BBS2: variants seen among roughly 807,000 people sequenced by gnomAD.
The protein encoded by BBS2 is BBSome complex member BBS2.
A neutral mutation model predicts 83.0 loss-of-function variants in BBS2; 62 were observed. That is an observed-to-expected ratio of 0.75 (90% CI 0.61 to 0.92). The LOEUF (loss-of-function observed/expected upper bound fraction) is 0.92, where lower values mean the gene tolerates loss of function less well. Among genes scored for constraint, BBS2 ranks in the 40% least tolerant of loss-of-function variants. BBS2 has a pLI of 0.00. For missense variants in BBS2, 784 were observed against 901.0 expected (o/e 0.87, Z 1.66); for synonymous variants, 303 against 326.1 (o/e 0.93, Z 0.76).
intron 17 of BBS2, chr16:56,478,716 G>C (rs1373422651): frequency 6.6e-6 from 1 of 152,156 alleles, no homozygotes; most frequent in Non-Finnish European, 1.5e-5. Flanking sequence ...GTGTTAAAAT[G>C]TGCTTTTTAG....
rs747086491 is a variant in BBS2 at position 56,501,369 on chromosome 16, G to A, written c.1209C>T (p.Arg403=). 3.7e-5 allele frequency: 59 copies of A among 1,614,044 alleles called. No homozygotes were observed. The Middle Eastern group carries it at 4.9e-4, about 14-fold the overall frequency. The change falls in exon 10 of 17, where the codon CGC becomes CGT. Residue 403 remains arginine, a synonymous_variant. Coordinates refer to ENST00000245157, the MANE Select transcript of BBS2 (RefSeq NM_031885.5). Reference sequence around the variant, plus strand: ...CTGTCTTACCATTAGAAGTGGAAATGCGTAATTCTGTATGAGCAGTTTGGG... The same window carrying A: ...CTGTCTTACCATTAGAAGTGGAAATACGTAATTCTGTATGAGCAGTTTGGG... The part of the protein sequence containing the change: ...NETQTAHTEL[R]ISTSNDTIIR...
chr16:56,519,964 G>C lies in BBS2; in HGVS notation c.-102C>G, dbSNP rs1364703031. On this transcript the variant is annotated 5_prime_UTR_variant, in exon 1 of 17. Coordinates refer to ENST00000245157, the MANE Select transcript of BBS2 (RefSeq NM_031885.5). The stretch of plus-strand genomic sequence containing the variant: ...GAAGTGCAGGGACACTACCTGCGCG[G>C]CCCCAGCCGCCTCAGGCCGGACGCG... 1 of 1,004,928 alleles carries C rather than the reference G, an allele frequency of 1.0e-6. No homozygotes were observed. Among genetic ancestry groups the C allele is most frequent in the African/African-American group, 1.6e-5 (1 of 62,514 alleles). 62.3% of individuals were successfully genotyped at this position (1,004,928 alleles called of 1,614,324 possible). A position where few individuals can be genotyped will look rare whatever the true frequency, so the allele number is the denominator to read the frequency against.
At chr16:56,474,549 A>T (rs1963365347) in intron 17 of BBS2, among the ~76,000 whole-genome samples, 2 of 151,856 alleles carry the variant, frequency 1.3e-5, no homozygotes, top group African/African-American at 4.8e-5. Context: ...TGAACTCCCG[A>T]CCTCAGGTGA....
In BBS2 at chr16:56,498,584, A is replaced by G. The variant is rs1430495735; in HGVS notation, c.1528-16T>C. On this transcript the variant is annotated splice_polypyrimidine_tract_variant and intron_variant, in intron 12 of 16. Coordinates refer to ENST00000245157, the MANE Select transcript of BBS2 (RefSeq NM_031885.5). The stretch of plus-strand genomic sequence containing the variant: ...ATACAACAACCTTGAAAATGAACAC[A>G]ATGAAATGACCTCCATTTTTAAGGT... 1 of 1,613,900 alleles carries G rather than the reference A, an allele frequency of 6.2e-7. No homozygotes were observed. Among genetic ancestry groups the G allele is most frequent in the Non-Finnish European group, 8.5e-7 (1 of 1,179,958 alleles).
At chr16:56,477,852 T>C (rs1199705022) in intron 17 of BBS2, 2 of 152,246 alleles carry the variant, frequency 1.3e-5, no homozygotes, top group East Asian at 3.8e-4. Flanking sequence ...CCTAAAACTT[T>C]TGAGTATTCA....
chr16:56,507,148 T>C (rs1361070652), intron 5 of BBS2, among the ~76,000 whole-genome samples: 2 of 152,202 alleles, frequency 1.3e-5, no homozygotes, highest in South Asian at 2.1e-4. Context: ...AACTGCCAAA[T>C]GAATCATGAT....
chr16:56,475,166 A>C (rs771923840), intron 17 of BBS2, among the ~76,000 whole-genome samples: 1 of 152,222 alleles, frequency 6.6e-6, no homozygotes, highest in Non-Finnish European at 1.5e-5. Context: ...GGGGAGATGG[A>C]CCACACCATA....
chr16:56,503,507 C>G (rs1454068814), intron 7 of BBS2, among the ~76,000 whole-genome samples: 1 of 152,172 alleles, frequency 6.6e-6, no homozygotes, highest in African/African-American at 2.4e-5. Context: ...TATTCAGATA[C>G]TTTAGAGAGC....
At chr16:56,501,140 C>G in intron 10 of BBS2, 115 bp from the exon 11 acceptor site, 6 of 1,374,208 alleles carry the variant, frequency 4.4e-6, no homozygotes, top group Non-Finnish European at 6.2e-6. Context: ...GAAACCCTAT[C>G]TCTACTAAAA....
intron 17 of BBS2, chr16:56,475,899 C>A: frequency 1.4e-6 from 1 of 709,302 alleles, no homozygotes; most frequent in South Asian, 1.9e-5. Context: ...GGCTTGACAG[C>A]CACCCCTAGT....
chr16:56,498,324 G>A (rs1339337581), intron 13 of BBS2, 113 bp downstream of exon 13: 12 of 1,381,984 alleles, frequency 8.7e-6, no homozygotes, highest in African/African-American at 7.2e-5. Context: ...CCTCACTTTG[G>A]ACTGAATGGT....
In BBS2 at chr16:56,511,320, G is replaced by A. The variant is rs112801032; in HGVS notation, c.346-36C>T. On this transcript the variant is annotated intron_variant, in intron 2 of 16. Transcript: ENST00000245157. Reference sequence around the variant, plus strand: ...TAAAAGGACACATTATCTTAGACACGATAATATGCAGGCCCACATATTAAT... The same window carrying A: ...TAAAAGGACACATTATCTTAGACACAATAATATGCAGGCCCACATATTAAT... 212 of 1,611,808 alleles carry A rather than the reference G, an allele frequency of 1.3e-4. 2 individuals carry two copies. The African/African-American group carries it at 2.2e-3, about 17-fold the overall frequency.
intron 14 of BBS2, chr16:56,497,375 G>T: frequency 2.0e-6 from 1 of 507,288 alleles, no homozygotes; most frequent in Non-Finnish European, 3.6e-6. Context: ...TATACTTTGG[G>T]GCCAATCAGA....
chr16:56,488,262 G>A (rs971889478), intron 15 of BBS2, among the ~76,000 whole-genome samples: 7 of 152,166 alleles, frequency 4.6e-5, no homozygotes, highest in East Asian at 1.9e-4. Flanking sequence ...ATTCCGTTCC[G>A]ACACGATTCC....
intron 7 of BBS2, among the ~76,000 whole-genome samples, chr16:56,505,136 A>G (rs148722696): frequency 6.6e-6 from 1 of 152,344 alleles, no homozygotes; most frequent in East Asian, 1.9e-4. Context: ...AAACCAACTA[A>G]GACACCCATT....
chr16:56,504,908 G>A (rs2144158420), intron 7 of BBS2, among the ~76,000 whole-genome samples: 1 of 152,246 alleles, frequency 6.6e-6, no homozygotes, highest in Non-Finnish European at 1.5e-5. Flanking sequence ...GGTCATAAGG[G>A]CAGAGCCCCC....
chr16:56,474,241 C>T (rs1460086074), intron 17 of BBS2, among the ~76,000 whole-genome samples: 1 of 150,466 alleles, frequency 6.6e-6, no homozygotes, highest in Non-Finnish European at 1.5e-5. Flanking sequence ...ATATTCATGT[C>T]GTATTTTTTA....
intron 15 of BBS2, among the ~76,000 whole-genome samples, chr16:56,488,729 G>T (rs1288924637): frequency 3.3e-5 from 5 of 152,088 alleles, no homozygotes; most frequent in Admixed American, 3.3e-4. Context: ...CTCCCTGGAG[G>T]TTGGGAGAGG....
chr16:56,519,702 G>A (rs775516069), intron 1 of BBS2, 44 bp downstream of exon 1: 2 of 1,504,104 alleles, frequency 1.3e-6, no homozygotes, highest in Non-Finnish European at 1.8e-6. Context: ...CGGAGATCCT[G>A]TGGTTCCCTG....
Sources: allele counts gnomAD v4.1 joint callset (sites outside exome capture counted in the v4.1 genomes callset), GRCh38; gene constraint gnomAD v4.1.1; transcripts MANE v1.5; gene names NCBI Gene and HGNC (gene_info 2026-07-23, HGNC 2026-07-21).